Variants in ATXN10 observed in about 807,000 individuals in gnomAD.
ATXN10 encodes ataxin 10.
A neutral mutation model predicts 52.9 loss-of-function variants in ATXN10; 28 were observed. That is an observed-to-expected ratio of 0.53 (90% confidence interval 0.39 to 0.73). The LOEUF (loss-of-function observed/expected upper bound fraction) is 0.73, where lower values mean the gene tolerates loss of function less well. Ranked by LOEUF, ATXN10 falls within the 30% of genes least tolerant of loss-of-function variation. The pLI is 0.00. For missense variants in ATXN10, 565 were observed against 577.0 expected, an observed-to-expected ratio of 0.98 and a Z score of 0.21; for synonymous variants, 226 against 221.5, an observed-to-expected ratio of 1.02 and a Z score of -0.18.
chr22:45,741,983 G>A (rs1033652706), intron 9 of ATXN10, among the ~76,000 whole-genome samples: 4 of 152,012 alleles, frequency 2.6e-5, no homozygotes, highest in Admixed American at 2.6e-4. Flanking sequence ...GAAAGTGAGG[G>A]GGGAATTGTG....
intron 9 of ATXN10, among the ~76,000 whole-genome samples, chr22:45,806,411 TA>T (rs1169632239): frequency 6.6e-6 from 1 of 152,256 alleles, no homozygotes; most frequent in Non-Finnish European, 1.5e-5. Context: ...TTTAAATTTT[TA>T]CAAGTTCTTT....
chr22:45,710,449 C>T (rs527615781), intron 5 of ATXN10, among the ~76,000 whole-genome samples: 1 of 152,180 alleles, frequency 6.6e-6, no homozygotes, highest in Non-Finnish European at 1.5e-5. Flanking sequence ...AAACCCGTAT[C>T]GCTTTACTCT....
At chr22:45,758,930 A>G (rs1266760010) in intron 9 of ATXN10, among the ~76,000 whole-genome samples, 1 of 152,208 alleles carries the variant, frequency 6.6e-6, no homozygotes, top group Non-Finnish European at 1.5e-5. Flanking sequence ...ATAAATCATG[A>G]CAGTAGGAGT....
intron 1 of ATXN10, 46 bp downstream of exon 1, chr22:45,672,225 C>A: frequency 6.9e-7 from 1 of 1,451,188 alleles, no homozygotes; most frequent in Non-Finnish European, 9.1e-7. Context: ...GGAGGGCGGC[C>A]GGGACTCCCG....
Position 45,729,490 on chromosome 22 carries a change from TC to T in ATXN10, c.797del (p.Pro266LeufsTer9). 2 of 1,614,146 alleles carry T rather than the reference TC, an allele frequency of 1.2e-6. No homozygotes were observed. Among genetic ancestry groups the T allele is most frequent in the Non-Finnish European group, 1.7e-6 (2 of 1,180,022 alleles). On this transcript the variant is annotated frameshift_variant, in exon 7 of 12. Transcript: ENST00000252934. LOFTEE classifies it high-confidence loss of function. Reference sequence around the variant, plus strand: ...GATGAGCCACTCACCAAGGATGACATCCCTGTGTTTTTGCGGCATGCTGAGT... The same window carrying T: ...GATGAGCCACTCACCAAGGATGACATCCTGTGTTTTTGCGGCATGCTGAGT... ...TSDEPLTKDD[I>X]PVFLRHAELI... is the part of the protein sequence containing the mutation.
chr22:45,812,105 C>T (rs1928301563), intron 10 of ATXN10, among the ~76,000 whole-genome samples: 1 of 152,204 alleles, frequency 6.6e-6, no homozygotes, highest in Non-Finnish European at 1.5e-5. Flanking sequence ...TGTGCTCCTC[C>T]TGGGCTTGGT....
chr22:45,813,333 G>T (rs12170001), intron 10 of ATXN10, among the ~76,000 whole-genome samples: 2,403 of 135,538 alleles, frequency 0.018, 37 homozygotes, highest in African/African-American at 0.042. Flanking sequence ...ATGTGGGTTT[G>T]TTTTTTTTTT....
At chr22:45,753,377 C>CTTTTTTTTTTTT in intron 9 of ATXN10, among the ~76,000 whole-genome samples, 1 of 57,870 alleles carries the variant, frequency 1.7e-5, no homozygotes, top group Non-Finnish European at 3.2e-5. Context: ...CTCTTACCAG[C>CTTTTTTTTTTTT]TTTTTTTTTT....
chr22:45,768,653 A>C (rs1401342698), intron 9 of ATXN10, among the ~76,000 whole-genome samples: 5 of 152,232 alleles, frequency 3.3e-5, no homozygotes, highest in Non-Finnish European at 7.3e-5. Flanking sequence ...AAAAGAATTT[A>C]CAAGACAAAC....
chr22:45,693,760 G>A (rs192067683), intron 3 of ATXN10, among the ~76,000 whole-genome samples: 61 of 152,248 alleles, frequency 4.0e-4, no homozygotes, highest in African/African-American at 1.5e-3. Context: ...TATCCTTATA[G>A]GAAGAGGAAA....
rs778118119 is a variant in ATXN10, at chr22:45,740,529, C to T, written c.1164C>T (p.Asn388=). The T allele has an allele frequency of 1.2e-6, 2 of 1,613,560 alleles. No homozygotes were observed. The highest frequency in any genetic ancestry group is 1.1e-5 in the South Asian group (1 of 91,062). ...IGNLCYKNKD[N]QDKVNELDGI... Reference sequence around the variant, plus strand: ...ATCTGTGTTACAAGAATAAAGATAACCAAGACAAGGTAAGAGGATTTCTTA... The same window carrying T: ...ATCTGTGTTACAAGAATAAAGATAATCAAGACAAGGTAAGAGGATTTCTTA... Residue 388 remains asparagine (N), a synonymous_variant, in exon 9 of 12, where the codon AAC becomes AAT. Transcript: ENST00000252934.
rs1394395728 is a variant in ATXN10, at chr22:45,837,688, G to T, written c.1238-5303G>T. Among the ~76,000 whole-genome samples, 1 of 152,212 alleles carries T rather than the reference G, an allele frequency of 6.6e-6. No individual in the cohort carries two copies. Among genetic ancestry groups the T allele is most frequent in the Non-Finnish European group, 1.5e-5 (1 of 68,036 alleles). ...GCTTTGTAGGCCTTGCTGTCTCTTG[G>T]CAGCTCCTCCACCCTGCCCTTGCAG... On this transcript the variant is annotated intron_variant, in intron 10 of 11. Coordinates refer to ENST00000252934, the MANE Select transcript of ATXN10 (RefSeq NM_013236.4). This position sits in a 1 kb window ranked among gnomAD's most constrained non-coding sequence, Gnocchi z 5.8.
At chr22:45,693,493 A>G (rs924582132) in intron 3 of ATXN10, among the ~76,000 whole-genome samples, 1 of 152,210 alleles carries the variant, frequency 6.6e-6, no homozygotes, top group African/African-American at 2.4e-5. Flanking sequence ...GGCAGAAGGC[A>G]TAAACAAGCT....
intron 9 of ATXN10, among the ~76,000 whole-genome samples, chr22:45,753,402 TTTTTTTTTTTTTTTTTTTTTTTTG>T (rs1296218692): frequency 1.6e-4 from 15 of 95,302 alleles, no homozygotes; most frequent in African/African-American, 8.5e-4. Context: ...TTTTTTTTTT[TTTTTTTTTTTTTTTTTTTTTTTTG>T]AGACAGAGTC....
intron 6 of ATXN10, among the ~76,000 whole-genome samples, chr22:45,724,989 T>C (rs1358478148): frequency 6.6e-6 from 1 of 152,142 alleles, no homozygotes; most frequent in Non-Finnish European, 1.5e-5. Context: ...ATTTCTGGTG[T>C]TTTTATTCTG....
Position 45,781,967 on chromosome 22 carries a change from C to T in ATXN10, c.1174-24992C>T, listed in dbSNP as rs1177199926. On this transcript the variant is annotated intron_variant, in intron 9 of 11. Transcript: ENST00000252934. This position sits in a 1 kb window ranked among gnomAD's most constrained non-coding sequence, Gnocchi z 4.2. ...CTGTACAAAAAAGTTAACCAAGCTT[C>T]AGGGATATGTGGGACTTTAATAAAA... Among the ~76,000 whole-genome samples the T allele has an allele frequency of 6.6e-6, 1 of 152,184 alleles. No homozygotes were observed. The highest frequency in any genetic ancestry group is 1.5e-5 in the Non-Finnish European group (1 of 68,028).
Position 45,727,341 on chromosome 22 carries a change from A to ATCTATCTG in ATXN10, c.729-2077_729-2076insGTCTATCT, listed in dbSNP as rs1555890586. Among the ~76,000 whole-genome samples the ATCTATCTG allele has an allele frequency of 2.0e-5, 3 of 151,452 alleles. No homozygotes were observed. The highest frequency in any genetic ancestry group is 2.1e-4 in the South Asian group (1 of 4,774). Reference sequence around the variant, plus strand: ...TCTGTCTATCTATCTATATCTATCTATCTATCTATCTATCTATCTATCTAT... The same window carrying ATCTATCTG: ...TCTGTCTATCTATCTATATCTATCTATCTATCTGTCTATCTATCTATCTATCTATCTAT... On this transcript the variant is annotated intron_variant, in intron 6 of 11. Coordinates refer to ENST00000252934, the MANE Select transcript of ATXN10 (RefSeq NM_013236.4). The surrounding 1 kb of genome is among the most constrained non-coding windows in gnomAD (Gnocchi z 4.6).
intron 5 of ATXN10, 102 bp downstream of exon 5, chr22:45,702,949 G>A (rs1923897977): frequency 1.4e-6 from 2 of 1,429,930 alleles, no homozygotes; most frequent in South Asian, 1.2e-5. Context: ...ATAATTGAAC[G>A]ATAAGTTAAA....
At chr22:45,730,169 C>T (rs555522885) in intron 7 of ATXN10, among the ~76,000 whole-genome samples, 1 of 151,990 alleles carries the variant, frequency 6.6e-6, no homozygotes, top group South Asian at 2.1e-4. Flanking sequence ...CATGGTGAAA[C>T]CCCATCTCTG....
Sources: gnomAD v4.1 joint callset for allele counts (sites outside exome capture counted in the v4.1 genomes callset) on GRCh38, gnomAD v4.1.1 for gene constraint, Gnocchi (gnomAD v3.1) non-coding constraint, MANE v1.5 for transcripts, NCBI Gene and HGNC (gene_info 2026-07-23, HGNC 2026-07-21) for gene names.